TRPC5: variants seen among roughly 807,000 people sequenced by gnomAD.
TRPC5 encodes the protein transient receptor potential cation channel subfamily C member 5.
Under a neutral mutation model 56.5 loss-of-function variants are expected in TRPC5, and 9 were observed. The ratio of observed to expected loss-of-function variants is 0.16; its 90% CI spans 0.10 to 0.28. TRPC5 has a LOEUF of 0.28. Ranked by LOEUF, TRPC5 falls within the 10% of genes least tolerant of loss-of-function variation. The pLI is 1.00. For synonymous variants in TRPC5, 282 were observed against 278.5 expected (o/e 1.01, Z -0.13); for missense variants, 469 against 748.9 (o/e 0.63, Z 4.36).
intron 7 of TRPC5, among the ~76,000 whole-genome samples, chrX:111,807,519 A>T (rs1029302142): frequency 8.0e-5 from 9 of 112,537 alleles, no homozygotes; most frequent in African/African-American, 2.9e-4. Flanking sequence ...GCTATTTTGA[A>T]TTCTCTGTCT....
chrX:112,046,508 A>G (rs946380219), intron 1 of TRPC5, among the ~76,000 whole-genome samples: 1 of 111,081 alleles, frequency 9.0e-6, no homozygotes, highest in Non-Finnish European at 1.9e-5. Flanking sequence ...AGGGTCCCCA[A>G]TATATTATTT....
At chrX:112,077,167 T>G (rs188313613) in intron 1 of TRPC5, among the ~76,000 whole-genome samples, 55 of 111,393 alleles carry the variant, frequency 4.9e-4, no homozygotes, top group African/African-American at 1.8e-3. Flanking sequence ...ACACAGCTAG[T>G]AATTCGTGAG....
intron 1 of TRPC5, among the ~76,000 whole-genome samples, chrX:112,029,448 A>G (rs1929523248): frequency 9.0e-6 from 1 of 111,551 alleles, no homozygotes; most frequent in African/African-American, 3.3e-5. Context: ...TAGTGCTGCA[A>G]CAATCATGGG....
At chrX:111,841,277 T>C (rs745542609) in intron 6 of TRPC5, among the ~76,000 whole-genome samples, 5 of 112,282 alleles carry the variant, frequency 4.5e-5, no homozygotes, top group Non-Finnish European at 9.4e-5. Context: ...GCTTTTCGTG[T>C]GTTCATGATT....
rs767331495 is a variant in TRPC5 at position 111,847,115 on chromosome X, T to C, written c.1699A>G (p.Thr567Ala). The C allele has an allele frequency of 1.7e-6, 2 of 1,204,851 alleles. No individual in the cohort carries two copies. Among genetic ancestry groups the C allele is most frequent in the Non-Finnish European group, 2.2e-6 (2 of 891,320 alleles). Residue 567 changes from threonine to alanine, a missense_variant and splice_region_variant, in exon 6 of 11, where the codon ACG becomes GCG. Around this residue, in one of 3 missense-constraint regions of TRPC5, gnomAD observed 157 missense variants for 360.0 expected, o/e 0.44. Coordinates refer to ENST00000262839, the MANE Select transcript of TRPC5 (RefSeq NM_012471.3). Reference protein sequence around the residue: ...RCEKQNNAFSTLFETLQSLFW... With the variant: ...RCEKQNNAFSALFETLQSLFW... ...ATAAAGGAAAGGGGATCGTCTTACG[T>C]GGAGAAGGCATTGTTCTGTTTCTCA...
intron 1 of TRPC5, among the ~76,000 whole-genome samples, chrX:112,059,649 C>T (rs188572169): frequency 5.4e-5 from 6 of 111,811 alleles, no homozygotes; most frequent in Admixed American, 1.9e-4. Context: ...CCACATCTAT[C>T]CCTACCATCA....
chrX:112,043,169 C>T (rs1929939690), intron 1 of TRPC5, among the ~76,000 whole-genome samples: 2 of 112,283 alleles, frequency 1.8e-5, no homozygotes, highest in Admixed American at 1.9e-4. Flanking sequence ...CCTGAGTTCT[C>T]AAAGTCCCTA....
chrX:111,983,998 T>C (rs866302025), intron 1 of TRPC5, among the ~76,000 whole-genome samples: 2 of 111,493 alleles, frequency 1.8e-5, no homozygotes, highest in Admixed American at 9.6e-5. Flanking sequence ...TTTTATTTGA[T>C]GATGAAGTGA....
intron 1 of TRPC5, among the ~76,000 whole-genome samples, chrX:111,958,806 C>G (rs780344090): frequency 8.9e-6 from 1 of 112,275 alleles, no homozygotes; most frequent in Admixed American, 9.4e-5. Context: ...ATCTTGAAAT[C>G]AGTGAGGGAA....
At chrX:111,947,221 G>T in intron 2 of TRPC5, among the ~76,000 whole-genome samples, 1 of 112,004 alleles carries the variant, frequency 8.9e-6, no homozygotes, top group East Asian at 2.8e-4. Context: ...TGGCTTAGTG[G>T]TTAGGAGAGT....
chrX:111,904,832 A>G (rs1925531852), intron 3 of TRPC5, among the ~76,000 whole-genome samples: 1 of 111,978 alleles, frequency 8.9e-6, no homozygotes, highest in African/African-American at 3.2e-5. Context: ...GTATGACAAT[A>G]CCTGAAAGTC....
chrX:112,008,877 G>A (rs1928918005), intron 1 of TRPC5, among the ~76,000 whole-genome samples: 1 of 111,719 alleles, frequency 9.0e-6, no homozygotes, highest in Admixed American at 9.6e-5. Context: ...AGTCGTTAGA[G>A]TGTGTGGGCT....
At chrX:111,804,470 C>A (rs1921427852) in intron 7 of TRPC5, among the ~76,000 whole-genome samples, 1 of 111,641 alleles carries the variant, frequency 9.0e-6, no homozygotes, top group African/African-American at 3.3e-5. Context: ...GATATTGATT[C>A]TTCCTATCTA....
chrX:111,911,240 C>T (rs767995018), intron 3 of TRPC5, among the ~76,000 whole-genome samples: 72 of 112,521 alleles, frequency 6.4e-4, no homozygotes, highest in African/African-American at 2.3e-3. Context: ...GGCAGGCACC[C>T]CTCAGCTGCT....
intron 3 of TRPC5, among the ~76,000 whole-genome samples, chrX:111,885,990 T>C (rs745748422): frequency 6.2e-5 from 7 of 112,120 alleles, no homozygotes; most frequent in Non-Finnish European, 1.1e-4. Context: ...AAAATAATGT[T>C]TTTTTTCTGC....
intron 3 of TRPC5, among the ~76,000 whole-genome samples, chrX:111,859,013 G>A (rs369074825): frequency 3.6e-5 from 4 of 111,933 alleles, no homozygotes; most frequent in Non-Finnish European, 7.5e-5. Flanking sequence ...TCCTGCTGAT[G>A]GGGGGAGCAG....
intron 1 of TRPC5, among the ~76,000 whole-genome samples, chrX:112,028,627 A>G (rs1347763446): frequency 2.7e-5 from 3 of 112,246 alleles, no homozygotes; most frequent in Non-Finnish European, 5.6e-5. Context: ...ATGGCTGCAT[A>G]GTACTCCATG....
intron 1 of TRPC5, among the ~76,000 whole-genome samples, chrX:111,997,649 T>G (rs1928578250): frequency 9.0e-6 from 1 of 110,835 alleles, no homozygotes; most frequent in African/African-American, 3.3e-5. Context: ...GATTTGGTCT[T>G]TTCACGTTGT....
chrX:111,994,642 G>A (rs933528773), intron 1 of TRPC5, among the ~76,000 whole-genome samples: 21 of 111,134 alleles, frequency 1.9e-4, no homozygotes, highest in Non-Finnish European at 3.6e-4. Context: ...TGGATTCCTA[G>A]GTATTTTATT....
Sources: gnomAD v4.1 joint callset for allele counts (sites outside exome capture counted in the v4.1 genomes callset) on GRCh38, gnomAD v4.1.1 for gene constraint, gnomAD v4.1.1 regional missense constraint, MANE v1.5 for transcripts, NCBI Gene and HGNC (gene_info 2026-07-23, HGNC 2026-07-21) for gene names.